The following HAP1 variants were observed in gnomAD, a reference collection of about 807,000 sequenced individuals.
The protein encoded by HAP1 is huntingtin associated protein 1, also known as huntingtin-associated protein 1.
In HAP1, 59 loss-of-function variants were observed where a neutral mutation model predicts 60.3. The ratio of observed to expected loss-of-function variants is 0.98; its 90% CI spans 0.79 to 1.22. The LOEUF is 1.22. HAP1 is among the 50% of genes most tolerant of loss of function. HAP1 has a pLI of 0.00. For synonymous variants in HAP1, 346 were observed against 330.6 expected, an observed-to-expected ratio of 1.05 and a Z score of -0.50; for missense variants, 825 against 785.3, an observed-to-expected ratio of 1.05 and a Z score of -0.60.
chr17:41,718,117 T>A (rs573055684), downstream of HAP1: 1 of 420,558 alleles, frequency 2.4e-6, no homozygotes, highest in Admixed American at 2.4e-5. Flanking sequence ...CAGAGTTGAG[T>A]AACTCAGAGA....
At chr17:41,732,934 C>T (rs1318497474) in intron 1 of HAP1, 136 bp from the exon 2 acceptor site, 1 of 653,546 alleles carries the variant, frequency 1.5e-6, no homozygotes, top group African/African-American at 1.8e-5. Flanking sequence ...ACTGGGCTCC[C>T]CTCCTGCCCC....
intron 4 of HAP1, 32 bp from the exon 5 acceptor site, chr17:41,731,775 A>T: frequency 6.6e-7 from 1 of 1,513,024 alleles, no homozygotes; most frequent in Non-Finnish European, 9.2e-7. Flanking sequence ...GTCAGGGTGC[A>T]GGGAGTGGGG....
chr17:41,733,461 T>G (rs1330059454), intron 1 of HAP1, among the ~76,000 whole-genome samples: 1 of 144,452 alleles, frequency 6.9e-6, no homozygotes, highest in African/African-American at 2.6e-5. Context: ...CCCTGGCGCC[T>G]AGAATGGAGA....
At position 41,730,084 on chromosome 17, in the gene HAP1, A is replaced by AAAAG. The variant is rs1555590338; in HGVS notation, c.1069+1405_1069+1408dup. 2.0e-4 allele frequency: 2 copies of AAAAG among 10,098 alleles called. 1 individual carries two copies. Among genetic ancestry groups the AAAAG allele is most frequent in the Non-Finnish European group, 3.5e-4 (2 of 5,706 alleles). 0.6% of individuals were successfully genotyped at this position (10,098 alleles called of 1,614,324 possible). A position where few individuals can be genotyped will look rare whatever the true frequency, so the allele number is the denominator to read the frequency against. ...AGAAAAGAAAGAAAAGAAAGAAAAG[A>AAAAG]AAAGAAAAGAAAAGAAAAGAAAAGA... is the stretch of plus-strand genomic sequence containing the variant. On this transcript the variant is annotated intron_variant, in intron 6 of 10. Coordinates refer to ENST00000347901, the MANE Select transcript of HAP1 (RefSeq NM_177977.3).
intron 6 of HAP1, among the ~76,000 whole-genome samples, chr17:41,728,866 TG>T (rs1911897959): frequency 6.6e-6 from 1 of 151,194 alleles, no homozygotes; most frequent in South Asian, 2.1e-4. Context: ...GGCAAGGGGG[TG>T]GGGTTTATCC....
intron 2 of HAP1, 42 bp from the exon 3 acceptor site, chr17:41,732,436 G>C: frequency 6.2e-7 from 1 of 1,600,234 alleles, no homozygotes; most frequent in Non-Finnish European, 8.5e-7. Flanking sequence ...AGGCCCCTAA[G>C]AGAACCTTCC....
Position 41,724,952 on chromosome 17 carries a change from T to C in HAP1, c.1609A>G (p.Thr537Ala). The change falls in exon 11 of 11, where the codon ACC (threonine) becomes GCC (alanine). Residue 537 changes from threonine (T) to alanine (A), a missense_variant. By Grantham distance (58) the Thr-to-Ala change is moderately conservative. Coordinates refer to ENST00000347901, the MANE Select transcript of HAP1 (RefSeq NM_177977.3). Reference sequence around the variant, plus strand: ...AGTTCCACCTCCTCCCAGCCCTCGGTCTCCTCTGACACCAGCTCTGCCTCT... The same window carrying C: ...AGTTCCACCTCCTCCCAGCCCTCGGCCTCCTCTGACACCAGCTCTGCCTCT... ...MEEAELVSEE[T>A]EGWEEVELEL... 1 of 1,612,734 alleles carries C rather than the reference T, an allele frequency of 6.2e-7. No individual in the cohort carries two copies.
chr17:41,727,357 G>A (rs370934157), intron 8 of HAP1: 46 of 780,648 alleles, frequency 5.9e-5, no homozygotes, highest in East Asian at 2.4e-4. Flanking sequence ...GGTTGCTGGC[G>A]GAGGGTCTTC....
chr17:41,728,982 C>T (rs1008896886), intron 6 of HAP1, among the ~76,000 whole-genome samples: 3 of 152,194 alleles, frequency 2.0e-5, no homozygotes, highest in Non-Finnish European at 2.9e-5. Context: ...GAATCTCTGT[C>T]GTCCAGGCAG....
In HAP1 at chr17:41,727,069, CA is replaced by C; in HGVS notation, c.1350del (p.Val451CysfsTer18). ...GCCACGCACCTCTCCATAAAATACA[CA>C]GGGTCTGAGATCATCCTCCTTAGAG... Reference protein sequence around the residue: ...RTSLRRMISDPVYFMERNYEM... With the variant: ...RTSLRRMISDXVYFMERNYEM... On this transcript the variant is annotated frameshift_variant, in exon 9 of 11. Coordinates refer to ENST00000347901, the MANE Select transcript of HAP1 (RefSeq NM_177977.3). LOFTEE classifies it high-confidence loss of function. 1 of 1,562,934 alleles carries C rather than the reference CA, an allele frequency of 6.4e-7. No homozygotes were observed. Among genetic ancestry groups the C allele is most frequent in the Non-Finnish European group, 8.7e-7 (1 of 1,143,122 alleles).
In HAP1 at chr17:41,727,064, A is replaced by C; in HGVS notation, c.1356T>G (p.Tyr452Ter). Residue 452 changes from tyrosine to a stop codon, truncating the protein, a stop_gained, in exon 9 of 11, where the codon TAT (tyrosine) becomes TAG (stop). Transcript: ENST00000347901. LOFTEE classifies it low-confidence loss of function (END_TRUNC). ...CCCCAGCCACGCACCTCTCCATAAA[A>C]TACACAGGGTCTGAGATCATCCTCC... ...SLRRMISDPVYFMERNYEMPR... is the reference protein window; with the variant it reads ...SLRRMISDPV 3 of 1,552,746 alleles carry C rather than the reference A, an allele frequency of 1.9e-6. No homozygotes were observed. The highest frequency in any genetic ancestry group is 2.6e-6 in the Non-Finnish European group (3 of 1,134,966).
intron 2 of HAP1, 61 bp from the exon 3 acceptor site, chr17:41,732,455 T>C: frequency 6.5e-7 from 1 of 1,545,142 alleles, no homozygotes; most frequent in Non-Finnish European, 8.8e-7. Flanking sequence ...CCCCATCCCC[T>C]AGTTCTCTAG....
chr17:41,725,029 TG>T lies in HAP1; in HGVS notation c.1531del (p.Gln511ArgfsTer16), dbSNP rs781985087. The stretch of plus-strand genomic sequence containing the variant: ...CTTCTTGGCAGCCCCCAGCTCCTCC[TG>T]GGGCACGAACTCCTCCGCAGGCGTG... ...DFTPAEEFVP[Q>X]EELGAAKKVP... On this transcript the variant is annotated frameshift_variant, in exon 11 of 11. Transcript: ENST00000347901. LOFTEE classifies it low-confidence loss of function (END_TRUNC). The T allele has an allele frequency of 2.9e-5, 47 of 1,612,362 alleles. 2 individuals are homozygous for T. In the South Asian group the frequency reaches 4.6e-4, roughly 16 times the overall value.
rs782521589 is a variant in HAP1 at position 41,734,408 on chromosome 17, G to A, written c.227C>T (p.Ala76Val). 11 of 1,607,944 alleles carry A rather than the reference G, an allele frequency of 6.8e-6. No homozygotes were observed. The highest frequency in any genetic ancestry group is 9.4e-6 in the Non-Finnish European group (11 of 1,176,108). ...TGARPASEAGAKAGARRPSAF... is the reference protein window; with the variant it reads ...TGARPASEAGVKAGARRPSAF... ...GGACGGGCGCCGGGCTCCTGCCTTG[G>A]CTCCAGCCTCCGAGGCCGGGCGAGC... Residue 76 changes from alanine (A) to valine (V), a missense_variant, in exon 1 of 11, where the codon GCC (alanine) becomes GTC (valine). Ala to Val is a moderately conservative substitution (Grantham distance 64). Coordinates refer to ENST00000347901, the MANE Select transcript of HAP1 (RefSeq NM_177977.3).
Position 41,730,013 on chromosome 17 carries a change from C to CA in HAP1, c.1069+1479dup, listed in dbSNP as rs869159154. 18 of 29,210 alleles carry CA rather than the reference C, an allele frequency of 6.2e-4. 1 individual carries two copies. The highest frequency in any genetic ancestry group is 1.0e-3 in the Non-Finnish European group (17 of 16,256). The allele number at this position is 29,210 out of a possible 1,614,324, so 1.8% of individuals were successfully genotyped here. A position where few individuals can be genotyped will look rare whatever the true frequency, so the allele number is the denominator to read the frequency against. ...AAGACTGCAACACTGTACTCCATCT[C>CA]AAAAAAAAAAAGAAAGAAAGAGAGA... On this transcript the variant is annotated intron_variant, in intron 6 of 10. Transcript: ENST00000347901.
chr17:41,720,592 C>T (rs1195530284), downstream of HAP1, among the ~76,000 whole-genome samples: 1 of 152,048 alleles, frequency 6.6e-6, no homozygotes, highest in African/African-American at 2.4e-5. Flanking sequence ...TTTCTTGTAT[C>T]TGCTTCTTCT....
At chr17:41,729,418 C>T (rs879981888) in intron 6 of HAP1, among the ~76,000 whole-genome samples, 99 of 148,212 alleles carry the variant, frequency 6.7e-4, no homozygotes, top group Non-Finnish European at 1.0e-3. Flanking sequence ...TGCATGGTGG[C>T]GCATGCCTGT....
downstream of HAP1, chr17:41,717,986 A>C (rs1209909800): frequency 2.1e-6 from 1 of 469,928 alleles, no homozygotes; most frequent in Non-Finnish European, 4.4e-6. Context: ...TAGAGGAGGG[A>C]AAGTGTTTTC....
intron 5 of HAP1, 27 bp from the exon 6 acceptor site, chr17:41,731,586 A>T: frequency 6.2e-7 from 1 of 1,604,174 alleles, no homozygotes; most frequent in Non-Finnish European, 8.5e-7. Context: ...AGGAAGGGAC[A>T]GGGAAGTCAA....
Sources: gnomAD v4.1 joint callset for allele counts (sites outside exome capture counted in the v4.1 genomes callset) on GRCh38, gnomAD v4.1.1 for gene constraint, MANE v1.5 for transcripts, NCBI Gene and HGNC (gene_info 2026-07-23, HGNC 2026-07-21) for gene names.